ADAM22: variants seen among roughly 807,000 people sequenced by gnomAD.
ADAM22 encodes disintegrin and metalloproteinase domain-containing protein 22.
ADAM22 carries 65 observed loss-of-function variants against 144.6 expected under a neutral mutation model. The ratio of observed to expected loss-of-function variants is 0.45; its 90% CI spans 0.37 to 0.55. The LOEUF is 0.55. Among genes scored for constraint, ADAM22 ranks in the 20% least tolerant of loss-of-function variants. The pLI, the probability that ADAM22 is intolerant of heterozygous loss-of-function variation, is 0.00. For synonymous variants in ADAM22, 391 were observed against 412.6 expected (o/e 0.95, Z 0.63); for missense variants, 974 against 1,184.9 (o/e 0.82, Z 2.61).
chr7:87,935,194 G>T lies in ADAM22; in HGVS notation c.246+8G>T, dbSNP rs771291143. The T allele has an allele frequency of 1.3e-6, 2 of 1,589,142 alleles. No individual in the cohort carries two copies. The highest frequency in any genetic ancestry group is 2.7e-5 in the African/African-American group (2 of 74,556). On this transcript the variant is annotated splice_region_variant and intron_variant, in intron 2 of 31. Transcript: ENST00000413139. ...GACCTCGGTGGCCCGCAGGTGAGAG[G>T]CTCGGTCCGGGAGGTGGTCCTCCGC...
intron 20 of ADAM22, among the ~76,000 whole-genome samples, chr7:88,151,717 A>T (rs1838453241): frequency 6.6e-6 from 1 of 152,210 alleles, no homozygotes; most frequent in Non-Finnish European, 1.5e-5. Context: ...TCCTTAACTT[A>T]GAACAGCAGC....
intron 2 of ADAM22, among the ~76,000 whole-genome samples, chr7:87,951,408 C>G (rs1053821550): frequency 9.4e-6 from 1 of 106,258 alleles, no homozygotes; most frequent in Admixed American, 8.5e-5. Context: ...TCCTTTTCCC[C>G]ATTGCTTGTT....
chr7:87,975,147 ATGT>A (rs2129448180), intron 2 of ADAM22, among the ~76,000 whole-genome samples: 1 of 152,148 alleles, frequency 6.6e-6, no homozygotes, highest in African/African-American at 2.4e-5. Flanking sequence ...CTAGTTATTA[ATGT>A]TGTTACCTGG....
intron 30 of ADAM22, among the ~76,000 whole-genome samples, chr7:88,192,501 T>C (rs1849836828): frequency 1.3e-5 from 2 of 152,202 alleles, no homozygotes; most frequent in Non-Finnish European, 2.9e-5. Context: ...ACCATTTTTG[T>C]ATGTTCTCAT....
chr7:88,124,838 C>A (rs909705693), intron 7 of ADAM22, among the ~76,000 whole-genome samples: 4 of 151,948 alleles, frequency 2.6e-5, no homozygotes, highest in Non-Finnish European at 2.9e-5. Context: ...ATGCTTATTT[C>A]TCCTTTATGA....
intron 6 of ADAM22, among the ~76,000 whole-genome samples, chr7:88,115,021 G>A (rs922307305): frequency 3.9e-5 from 6 of 152,080 alleles, no homozygotes; most frequent in Non-Finnish European, 7.4e-5. Flanking sequence ...TGGAGGCAGA[G>A]GTGGGCATGA....
At position 88,134,433 on chromosome 7, in the gene ADAM22, C is replaced by A; in HGVS notation, c.1168+14C>A. The A allele has an allele frequency of 6.4e-7, 1 of 1,564,720 alleles. No individual in the cohort carries two copies. Among genetic ancestry groups the A allele is most frequent in the Non-Finnish European group, 8.8e-7 (1 of 1,141,602 alleles). ...AGTTAGCAAGTGGTAAGTTTTAGTACATGTGTGGTTAGTTGTATTTAAAAT... is the reference window on the plus strand; with the variant it reads ...AGTTAGCAAGTGGTAAGTTTTAGTAAATGTGTGGTTAGTTGTATTTAAAAT... On this transcript the variant is annotated intron_variant, in intron 13 of 31. Transcript: ENST00000413139.
chr7:88,186,834 G>T (rs1848433041), intron 30 of ADAM22, 133 bp downstream of exon 30: 1 of 602,658 alleles, frequency 1.7e-6, no homozygotes, highest in East Asian at 2.9e-5. Flanking sequence ...TTGTTTATTT[G>T]CTGCCTTTTG....
rs1295482642 is a variant in ADAM22, at chr7:88,202,312, T to G, written c.*5821T>G. ...TCCTTTTTTAACTTGCTGGAAGACT[T>G]GCCCCTCCAAACTAGCACCCCCAAA... On this transcript the variant is annotated 3_prime_UTR_variant, in exon 32 of 32. Coordinates refer to ENST00000413139, the MANE Select transcript of ADAM22 (RefSeq NM_001324418.2). The G allele has an allele frequency of 6.6e-6, 1 of 152,188 alleles. No homozygotes were observed. Among genetic ancestry groups the G allele is most frequent in the African/African-American group, 2.4e-5 (1 of 41,442 alleles). The allele number at this position is 152,188 out of a possible 1,614,324, so 9.4% of individuals were successfully genotyped here.
chr7:88,031,359 G>A (rs1800224220), intron 3 of ADAM22, among the ~76,000 whole-genome samples: 2 of 152,174 alleles, frequency 1.3e-5, no homozygotes, highest in African/African-American at 2.4e-5. Flanking sequence ...AATTCCTAGA[G>A]ACTTGTTAAA....
chr7:88,042,523 C>T (rs893549638), intron 3 of ADAM22, among the ~76,000 whole-genome samples: 2 of 151,988 alleles, frequency 1.3e-5, no homozygotes, highest in African/African-American at 4.8e-5. Flanking sequence ...GATTACTCTG[C>T]TATACAGCCT....
intron 2 of ADAM22, among the ~76,000 whole-genome samples, chr7:87,958,364 A>C (rs1562854299): frequency 6.6e-6 from 1 of 151,888 alleles, no homozygotes; most frequent in African/African-American, 2.4e-5. Context: ...TAAGACTTTA[A>C]AGTTTTTTTA....
chr7:88,066,234 T>C (rs931991065), intron 3 of ADAM22, among the ~76,000 whole-genome samples: 1 of 152,184 alleles, frequency 6.6e-6, no homozygotes, highest in African/African-American at 2.4e-5. Flanking sequence ...GCATGGTGGC[T>C]CAGACCAGGG....
rs1269753272 is a variant in ADAM22 at position 88,200,734 on chromosome 7, G to A, written c.*4243G>A. The A allele has an allele frequency of 2.0e-5, 3 of 152,084 alleles. No homozygotes were observed. The highest frequency in any genetic ancestry group is 4.4e-5 in the Non-Finnish European group (3 of 68,032). 9.4% of individuals were successfully genotyped at this position (152,084 alleles called of 1,614,324 possible). Reference sequence around the variant, plus strand: ...AGATGTATAAGAAGTAAACACTTCCGTGGAATAGGGCTTAATTTGGGGCTC... The same window carrying A: ...AGATGTATAAGAAGTAAACACTTCCATGGAATAGGGCTTAATTTGGGGCTC... On this transcript the variant is annotated 3_prime_UTR_variant, in exon 32 of 32. Coordinates refer to ENST00000413139, the MANE Select transcript of ADAM22 (RefSeq NM_001324418.2).
At chr7:88,177,923 C>A (rs1006809751) in intron 26 of ADAM22, among the ~76,000 whole-genome samples, 5 of 152,098 alleles carry the variant, frequency 3.3e-5, no homozygotes, top group African/African-American at 1.2e-4. Flanking sequence ...AATTCTCAGT[C>A]CAGCACTAGT....
intron 17 of ADAM22, 58 bp from the exon 18 acceptor site, chr7:88,148,919 T>C: frequency 3.1e-6 from 4 of 1,284,526 alleles, no homozygotes; most frequent in Non-Finnish European, 3.3e-6. Context: ...TTTTAGATGA[T>C]ATTGTAAGAT....
At chr7:87,987,730 G>A (rs1258349862) in intron 3 of ADAM22, among the ~76,000 whole-genome samples, 1 of 152,182 alleles carries the variant, frequency 6.6e-6, no homozygotes, top group Non-Finnish European at 1.5e-5. Context: ...TTAGAGTGAG[G>A]TATAAGGTGC....
intron 4 of ADAM22, among the ~76,000 whole-genome samples, chr7:88,091,589 A>G (rs1308872438): frequency 1.3e-5 from 2 of 152,158 alleles, no homozygotes; most frequent in Non-Finnish European, 2.9e-5. Flanking sequence ...CACATATGTT[A>G]AGTCATTTTA....
chr7:88,125,667 T>C lies in ADAM22; in HGVS notation c.678+8T>C. 1 of 1,582,186 alleles carries C rather than the reference T, an allele frequency of 6.3e-7. No individual in the cohort carries two copies. Among genetic ancestry groups the C allele is most frequent in the Non-Finnish European group, 8.6e-7 (1 of 1,166,042 alleles). On this transcript the variant is annotated splice_region_variant and intron_variant, in intron 8 of 31. Coordinates refer to ENST00000413139, the MANE Select transcript of ADAM22 (RefSeq NM_001324418.2). The stretch of plus-strand genomic sequence containing the variant: ...AAAAGGAGTAAACGGCAGGTATGTA[T>C]TCACAGTGGTGTGTCGTGTTATTTT...
Sources: gnomAD v4.1 joint callset for allele counts (sites outside exome capture counted in the v4.1 genomes callset) on GRCh38, gnomAD v4.1.1 for gene constraint, MANE v1.5 for transcripts, NCBI Gene and HGNC (gene_info 2026-07-23, HGNC 2026-07-21) for gene names.